PICALM: variants seen among roughly 807,000 people sequenced by gnomAD.
PICALM encodes phosphatidylinositol binding clathrin assembly protein.
Under a neutral mutation model 80.5 loss-of-function variants are expected in PICALM, and 40 were observed. The ratio of observed to expected loss-of-function variants is 0.50; its 90% CI spans 0.39 to 0.65. The LOEUF (loss-of-function observed/expected upper bound fraction) is 0.65. PICALM is among the 30% of genes least tolerant of loss of function. PICALM has a pLI of 0.00. For missense variants in PICALM, 676 were observed against 778.9 expected, an observed-to-expected ratio of 0.87 and a Z score of 1.57; for synonymous variants, 288 against 260.3, an observed-to-expected ratio of 1.11 and a Z score of -1.02.
chr11:85,959,114 T>A, intron 19 of PICALM, 54 bp from the exon 20 acceptor site: 1 of 1,273,884 alleles, frequency 7.9e-7, no homozygotes, highest in South Asian at 1.3e-5. Context: ...TGTCTTCTCA[T>A]AAATAAAAAT....
intron 11 of PICALM, among the ~76,000 whole-genome samples, chr11:85,999,919 T>G (rs1404907326): frequency 6.6e-6 from 1 of 152,242 alleles, no homozygotes; most frequent in African/African-American, 2.4e-5. Context: ...GACTCAGATA[T>G]CTGTAGTTTA....
At chr11:85,997,242 A>G (rs2094996475) in intron 11 of PICALM, among the ~76,000 whole-genome samples, 1 of 152,222 alleles carries the variant, frequency 6.6e-6, no homozygotes, top group Admixed American at 6.5e-5. Flanking sequence ...AGATTCTAAA[A>G]TACAAAATAT....
At chr11:86,013,436 C>G (rs1257940684) in intron 5 of PICALM, among the ~76,000 whole-genome samples, 1 of 151,894 alleles carries the variant, frequency 6.6e-6, no homozygotes, top group Non-Finnish European at 1.5e-5. Context: ...TTTGAACCAC[C>G]ACATTCTTTT....
Position 85,972,701 on chromosome 11 carries a change from A to G in PICALM, c.1944+2007T>C, listed in dbSNP as rs536041091. Among the ~76,000 whole-genome samples, 61 of 152,354 alleles carry G rather than the reference A, an allele frequency of 4.0e-4. 1 individual carries two copies. The South Asian group carries it at 0.012, about 31-fold the overall frequency. On this transcript the variant is annotated intron_variant, in intron 19 of 19. Coordinates refer to ENST00000393346, the MANE Select transcript of PICALM (RefSeq NM_007166.4). The stretch of plus-strand genomic sequence containing the variant: ...TTTTAGCATGGACTATAGCTTTAAA[A>G]AAAATTACTTAAATACATTTAGGTT...
chr11:86,007,281 CAAT>C (rs1274946441), intron 8 of PICALM: 7 of 218,222 alleles, frequency 3.2e-5, no homozygotes, highest in South Asian at 1.6e-4. Flanking sequence ...CTTTTTTAAA[CAAT>C]GATGATGGGA....
chr11:86,043,879 G>A (rs1241314482), intron 1 of PICALM, among the ~76,000 whole-genome samples: 2 of 152,150 alleles, frequency 1.3e-5, no homozygotes, highest in Admixed American at 6.5e-5. Context: ...ATAATGGATT[G>A]CAGTTAGACT....
rs141887057 is a variant in PICALM, at chr11:86,033,151, T to C, written c.131-1540A>G. On this transcript the variant is annotated intron_variant, in intron 1 of 19. Coordinates refer to ENST00000393346, the MANE Select transcript of PICALM (RefSeq NM_007166.4). ...AATCTCTGCCTTCTCTAGATCTTCA[T>C]AGCACTTTATAACTGGCCTATGGCA... Among the ~76,000 whole-genome samples the C allele has an allele frequency of 3.8e-3, 583 of 152,314 alleles. 4 individuals are homozygous for C. The highest frequency in any genetic ancestry group is 0.013 in the African/African-American group (551 of 41,570).
intron 14 of PICALM, 188 bp from the exon 15 acceptor site, chr11:85,982,191 G>C (rs1044819078): frequency 1.8e-6 from 1 of 544,308 alleles, no homozygotes; most frequent in Non-Finnish European, 3.3e-6. Context: ...GACTGAGAAG[G>C]CTGTATTTGC....
chr11:86,006,260 T>C (rs894863466), intron 8 of PICALM, among the ~76,000 whole-genome samples: 4 of 152,220 alleles, frequency 2.6e-5, no homozygotes, highest in African/African-American at 9.7e-5. Flanking sequence ...CATGACTAGA[T>C]TTATTGCATA....
At chr11:86,055,844 C>T (rs1205069111) in intron 1 of PICALM, among the ~76,000 whole-genome samples, 1 of 151,946 alleles carries the variant, frequency 6.6e-6, no homozygotes, top group African/African-American at 2.4e-5. Flanking sequence ...TCGAAAAAAT[C>T]AGAGGCTGGG....
chr11:86,069,016 A>G lies in PICALM; in HGVS notation c.-236T>C. ...CACTCCCTTGCCCCCGCCTCAGTTC[A>G]GCCCACCCCTTCCCGGGTCAGCTGG... On this transcript the variant is annotated 5_prime_UTR_variant, in exon 1 of 20. Coordinates refer to ENST00000393346, the MANE Select transcript of PICALM (RefSeq NM_007166.4). 1.9e-6 allele frequency: 1 copy of G among 522,366 alleles called. No homozygotes were observed. The allele number at this position is 522,366 out of a possible 1,614,324, so 32.4% of individuals were successfully genotyped here.
At chr11:86,032,573 C>T (rs2095774053) in intron 1 of PICALM, among the ~76,000 whole-genome samples, 1 of 152,068 alleles carries the variant, frequency 6.6e-6, no homozygotes, top group African/African-American at 2.4e-5. Context: ...TTGCAGTGAG[C>T]GGAGATAGTA....
At chr11:86,011,910 G>C (rs1057104506) in intron 6 of PICALM, among the ~76,000 whole-genome samples, 1 of 148,900 alleles carries the variant, frequency 6.7e-6, no homozygotes, top group African/African-American at 2.5e-5. Context: ...GAGTACAATG[G>C]CACGATCTAG....
chr11:86,000,593 G>C, intron 11 of PICALM, 50 bp downstream of exon 11: 2 of 1,487,304 alleles, frequency 1.3e-6, no homozygotes, highest in East Asian at 4.6e-5. Flanking sequence ...ATTTCTATTA[G>C]AAGTCTTTGA....
At chr11:85,973,523 A>C (rs912007247) in intron 19 of PICALM, among the ~76,000 whole-genome samples, 1 of 152,128 alleles carries the variant, frequency 6.6e-6, no homozygotes, top group Non-Finnish European at 1.5e-5. Context: ...ATTATTATTA[A>C]TCTCTTACTG....
intron 1 of PICALM, among the ~76,000 whole-genome samples, chr11:86,057,181 T>G (rs1302844710): frequency 1.3e-5 from 2 of 151,776 alleles, no homozygotes; most frequent in Non-Finnish European, 2.9e-5. Context: ...TGTCTCAATT[T>G]TAAAATTGCA....
chr11:86,029,216 T>C lies in PICALM; in HGVS notation c.273+2253A>G, dbSNP rs529799359. Among the ~76,000 whole-genome samples the C allele has an allele frequency of 7.3e-4, 111 of 152,240 alleles. 1 individual carries two copies. Among genetic ancestry groups the C allele is most frequent in the Non-Finnish European group, 2.5e-4 (17 of 68,008 alleles). ...TATATACCAGCAGCATCCCCTTCAGTTGTGACAAATGTCCCCTAAGGGAAA... is the reference window on the plus strand; with the variant it reads ...TATATACCAGCAGCATCCCCTTCAGCTGTGACAAATGTCCCCTAAGGGAAA... On this transcript the variant is annotated intron_variant, in intron 2 of 19. Transcript: ENST00000393346.
rs117412374 is a variant in PICALM at position 86,046,767 on chromosome 11, A to C, written c.131-15156T>G. ...CTTACTCTGTCACCCAGACTGGAGT[A>C]GCTGGGACTACAGGTACATGCCAGC... On this transcript the variant is annotated intron_variant, in intron 1 of 19. Coordinates refer to ENST00000393346, the MANE Select transcript of PICALM (RefSeq NM_007166.4). Among the ~76,000 whole-genome samples, 788 of 152,318 alleles carry C rather than the reference A, an allele frequency of 5.2e-3. 44 individuals carry two copies. The East Asian group carries it at 0.11, about 22-fold the overall frequency.
In PICALM at chr11:85,957,226, A is replaced by G. The variant is rs1242774863; in HGVS notation, c.*1820T>C. Among the ~76,000 whole-genome samples, 1 of 152,236 alleles carries G rather than the reference A, an allele frequency of 6.6e-6. No individual in the cohort carries two copies. The highest frequency in any genetic ancestry group is 6.5e-5 in the Admixed American group (1 of 15,292). ...TGAAACTTAAAAGCTGATAAAATTT[A>G]TTGGCTACGACTACATTTTTTCTCC... On this transcript the variant is annotated 3_prime_UTR_variant, in exon 20 of 20. Transcript: ENST00000393346.
Sources: allele counts gnomAD v4.1 joint callset (sites outside exome capture counted in the v4.1 genomes callset), GRCh38; gene constraint gnomAD v4.1.1; transcripts MANE v1.5; gene names NCBI Gene and HGNC (gene_info 2026-07-23, HGNC 2026-07-21).